DOCK8: variants seen among roughly 807,000 people sequenced by gnomAD.
The protein encoded by DOCK8 is dedicator of cytokinesis 8.
DOCK8 carries 141 observed loss-of-function variants against 245.6 expected under a neutral mutation model. The ratio of observed to expected loss-of-function variants is 0.57; its 90% CI spans 0.50 to 0.66. The LOEUF (loss-of-function observed/expected upper bound fraction) is 0.66, where lower values mean the gene tolerates loss of function less well. Ranked by LOEUF, DOCK8 falls within the 30% of genes least tolerant of loss-of-function variation. The pLI is 0.00. For synonymous variants in DOCK8, 1,168 were observed against 970.2 expected, an observed-to-expected ratio of 1.20 and a Z score of -3.79; for missense variants, 2,965 against 2,603.4, an observed-to-expected ratio of 1.14 and a Z score of -3.02.
At chr9:462,585 C>T (rs1013321910) in intron 46 of DOCK8, among the ~76,000 whole-genome samples, 5 of 152,232 alleles carry the variant, frequency 3.3e-5, no homozygotes, top group African/African-American at 9.6e-5. Flanking sequence ...TTCCCCTCAG[C>T]CCATAGACCT....
At chr9:260,624 C>T (rs2047896562) in intron 1 of DOCK8, among the ~76,000 whole-genome samples, 1 of 152,134 alleles carries the variant, frequency 6.6e-6, no homozygotes, top group Admixed American at 6.6e-5. Flanking sequence ...TTCACATGTA[C>T]AGTTTTCTGA....
At chr9:340,761 T>A (rs2051547467) in intron 14 of DOCK8, 2 of 185,750 alleles carry the variant, frequency 1.1e-5, no homozygotes. Flanking sequence ...GTGATATTTA[T>A]GTAACCGTAG....
At chr9:275,165 T>C (rs1278687970) in intron 2 of DOCK8, among the ~76,000 whole-genome samples, 1 of 152,220 alleles carries the variant, frequency 6.6e-6, no homozygotes, top group Non-Finnish European at 1.5e-5. Context: ...GTAGGGAATA[T>C]AGAATTATAT....
At chr9:373,226 CCA>C (rs1466364474) in intron 18 of DOCK8, among the ~76,000 whole-genome samples, 2 of 152,120 alleles carry the variant, frequency 1.3e-5, no homozygotes, top group Non-Finnish European at 2.9e-5. Flanking sequence ...CCTGACTGCA[CCA>C]GCTGTCACAC....
At chr9:370,767 C>G (rs1006760004) in intron 16 of DOCK8, among the ~76,000 whole-genome samples, 1 of 152,060 alleles carries the variant, frequency 6.6e-6, no homozygotes, top group Admixed American at 6.6e-5. Flanking sequence ...TAATGCCCAC[C>G]CTATTATTCA....
At chr9:265,531 A>T (rs2048017401) in intron 1 of DOCK8, among the ~76,000 whole-genome samples, 1 of 151,922 alleles carries the variant, frequency 6.6e-6, no homozygotes, top group Non-Finnish European at 1.5e-5. Flanking sequence ...TCTTTACCCC[A>T]CCCCTTTCAC....
intron 1 of DOCK8, among the ~76,000 whole-genome samples, chr9:238,924 C>T (rs1190735075): frequency 6.6e-6 from 1 of 151,482 alleles, no homozygotes; most frequent in East Asian, 2.0e-4. Flanking sequence ...GCCAGGACGC[C>T]ATCCTATCAC....
chr9:346,777 G>T (rs763561226), intron 14 of DOCK8, among the ~76,000 whole-genome samples: 1 of 152,214 alleles, frequency 6.6e-6, no homozygotes, highest in East Asian at 1.9e-4. Flanking sequence ...CTCTTCTGCG[G>T]GGGAAAAGGA....
chr9:231,143 A>G (rs549216177), intron 1 of DOCK8, among the ~76,000 whole-genome samples: 4 of 151,888 alleles, frequency 2.6e-5, no homozygotes, highest in Non-Finnish European at 4.4e-5. Context: ...TCCCAGCACC[A>G]TTTATTAAAT....
intron 14 of DOCK8, chr9:365,475 A>T (rs1227027911): frequency 2.4e-6 from 1 of 412,122 alleles, no homozygotes; most frequent in South Asian, 1.8e-5. Flanking sequence ...GTCACTTCTC[A>T]AAAATCATGC....
intron 14 of DOCK8, among the ~76,000 whole-genome samples, chr9:365,400 A>T (rs2052935966): frequency 1.3e-5 from 2 of 152,184 alleles, no homozygotes; most frequent in African/African-American, 4.8e-5. Context: ...CTATAACTTC[A>T]GTATGTTTTC....
chr9:281,322 A>G (rs1484940275), intron 2 of DOCK8, among the ~76,000 whole-genome samples: 5 of 152,116 alleles, frequency 3.3e-5, no homozygotes, highest in African/African-American at 1.2e-4. Flanking sequence ...AATGATATGC[A>G]TACTCTGAAA....
At chr9:305,519 T>G (rs1452974954) in intron 5 of DOCK8, among the ~76,000 whole-genome samples, 3 of 152,154 alleles carry the variant, frequency 2.0e-5, no homozygotes, top group Non-Finnish European at 4.4e-5. Flanking sequence ...TCTCCTGACC[T>G]TGTGATCCGC....
rs775527577 is a variant in DOCK8, at chr9:312,212, G to A, written c.741+46G>A. 4.4e-6 allele frequency: 7 copies of A among 1,598,780 alleles called. No individual in the cohort carries two copies. The East Asian group carries it at 1.6e-4, about 36-fold the overall frequency. ...ACTGGAGAATCTCAGTGAAGACTCT[G>A]AGAGTCATGTGGACAATTGTGTTGT... On this transcript the variant is annotated intron_variant, in intron 6 of 47. Coordinates refer to ENST00000432829, the MANE Select transcript of DOCK8 (RefSeq NM_203447.4).
At chr9:443,989 G>A (rs1014207882) in intron 43 of DOCK8, among the ~76,000 whole-genome samples, 7 of 152,152 alleles carry the variant, frequency 4.6e-5, no homozygotes, top group African/African-American at 1.4e-4. Flanking sequence ...TTTCAAACTC[G>A]ACAACACTTA....
Position 318,172 on chromosome 9 carries a change from G to C in DOCK8, c.827+1044G>C, listed in dbSNP as rs866875412. On this transcript the variant is annotated intron_variant, in intron 7 of 47. Transcript: ENST00000432829. ...CTCCATACCTCTCTTCGTCTCTGCAGACTGCTATTTTCAAGAATTAGTTCT... is the reference window on the plus strand; with the variant it reads ...CTCCATACCTCTCTTCGTCTCTGCACACTGCTATTTTCAAGAATTAGTTCT... Among the ~76,000 whole-genome samples, 33 of 152,332 alleles carry C rather than the reference G, an allele frequency of 2.2e-4. 1 individual carries two copies. The Middle Eastern group carries it at 0.017, about 79-fold the overall frequency.
At chr9:333,808 T>C (rs1163847974) in intron 10 of DOCK8, among the ~76,000 whole-genome samples, 1 of 151,888 alleles carries the variant, frequency 6.6e-6, no homozygotes, top group Non-Finnish European at 1.5e-5. Flanking sequence ...TTTTTTGGAG[T>C]TTTCCAAGGT....
chr9:268,601 G>A (rs1276291893), intron 1 of DOCK8, among the ~76,000 whole-genome samples: 1 of 152,156 alleles, frequency 6.6e-6, no homozygotes, highest in African/African-American at 2.4e-5. Context: ...GACCACTCTG[G>A]TGTATAATAG....
chr9:398,186 A>G (rs997045957), intron 25 of DOCK8, among the ~76,000 whole-genome samples: 2 of 152,196 alleles, frequency 1.3e-5, no homozygotes, highest in African/African-American at 4.8e-5. Context: ...AAAGTCACAC[A>G]CAGCCAGCAG....
Sources: allele counts gnomAD v4.1 joint callset (sites outside exome capture counted in the v4.1 genomes callset), GRCh38; gene constraint gnomAD v4.1.1; transcripts MANE v1.5; gene names NCBI Gene and HGNC (gene_info 2026-07-23, HGNC 2026-07-21).